The following TMEFF1 variants were observed in gnomAD, a reference collection of about 807,000 sequenced individuals.
The protein encoded by TMEFF1 is transmembrane protein with EGF like and two follistatin like domains 1.
Under a neutral mutation model 47.5 loss-of-function variants are expected in TMEFF1, and 20 were observed. The observed-to-expected ratio is 0.42, with a 90% confidence interval of 0.30 to 0.61. The LOEUF is 0.61. TMEFF1 is among the 20% of genes least tolerant of loss of function. The pLI, the probability that TMEFF1 is intolerant of heterozygous loss-of-function variation, is 0.19. For synonymous variants in TMEFF1, 162 were observed against 166.3 expected, an observed-to-expected ratio of 0.97 and a Z score of 0.20; for missense variants, 411 against 471.1, an observed-to-expected ratio of 0.87 and a Z score of 1.18.
intron 2 of TMEFF1, among the ~76,000 whole-genome samples, chr9:100,505,219 C>G (rs935937452): frequency 2.0e-5 from 3 of 151,564 alleles, no homozygotes; most frequent in Non-Finnish European, 2.9e-5. Context: ...CAAGACCATC[C>G]TGGCCAACAT....
intron 1 of TMEFF1, among the ~76,000 whole-genome samples, chr9:100,490,332 T>G (rs1442895867): frequency 2.0e-5 from 3 of 152,182 alleles, no homozygotes; most frequent in Admixed American, 6.5e-5. Flanking sequence ...GTAAACAAGT[T>G]GAAGAGGATT....
intron 7 of TMEFF1, among the ~76,000 whole-genome samples, chr9:100,560,694 T>C (rs1838999507): frequency 6.6e-6 from 1 of 152,178 alleles, no homozygotes; most frequent in African/African-American, 2.4e-5. Context: ...TCAGTTCAAA[T>C]CATTATACTT....
At chr9:100,510,460 G>A (rs1012929154) in intron 3 of TMEFF1, among the ~76,000 whole-genome samples, 5 of 152,162 alleles carry the variant, frequency 3.3e-5, no homozygotes, top group Middle Eastern at 3.4e-3. Context: ...GCTTGCCTGA[G>A]CATCAGTGTT....
rs190520152 is a variant in TMEFF1 at position 100,544,152 on chromosome 9, T to C, written c.561-3592T>C. On this transcript the variant is annotated intron_variant, in intron 5 of 9. Transcript: ENST00000374879. ...CTCCCTACCTTAGGTGGGTCAGTGT[T>C]CTTTGTCTCATGTTCCCAGAGGCCA... is the stretch of plus-strand genomic sequence containing the variant. Among the ~76,000 whole-genome samples, 922 of 152,124 alleles carry C rather than the reference T, an allele frequency of 6.1e-3. 5 individuals are homozygous for C. The highest frequency in any genetic ancestry group is 0.021 in the African/African-American group (861 of 41,492).
At chr9:100,525,188 C>A (rs982663138) in intron 5 of TMEFF1, among the ~76,000 whole-genome samples, 2 of 152,176 alleles carry the variant, frequency 1.3e-5, no homozygotes. Context: ...TTTTCCAACT[C>A]TCTGACACTA....
intron 1 of TMEFF1, among the ~76,000 whole-genome samples, chr9:100,497,320 CTTTTTTTT>C (rs752427622): frequency 3.4e-5 from 2 of 59,526 alleles, no homozygotes; most frequent in Non-Finnish European, 3.1e-5. Flanking sequence ...CCACTCATGT[CTTTTTTTT>C]TTTTTTTTTT....
chr9:100,506,411 TATC>T (rs1386235249), intron 2 of TMEFF1, among the ~76,000 whole-genome samples: 2 of 152,136 alleles, frequency 1.3e-5, no homozygotes, highest in Non-Finnish European at 2.9e-5. Flanking sequence ...TATTTTATAT[TATC>T]ATATTATTTA....
Position 100,516,785 on chromosome 9 carries a change from G to A in TMEFF1, c.560+14G>A, listed in dbSNP as rs1467758679. 6.2e-7 allele frequency: 1 copy of A among 1,611,652 alleles called. No homozygotes were observed. The highest frequency in any genetic ancestry group is 8.5e-7 in the Non-Finnish European group (1 of 1,179,248). ...AGAAAATGTTGGGTGAGTTGGTTGA[G>A]GGGAAGGGACAAAGTTATTTAGAGA... is the stretch of plus-strand genomic sequence containing the variant. On this transcript the variant is annotated intron_variant, in intron 5 of 9. Coordinates refer to ENST00000374879, the MANE Select transcript of TMEFF1 (RefSeq NM_003692.5).
chr9:100,479,946 G>C (rs554794694), intron 1 of TMEFF1, among the ~76,000 whole-genome samples: 1 of 152,106 alleles, frequency 6.6e-6, no homozygotes, highest in Non-Finnish European at 1.5e-5. Context: ...ATTACCAAAC[G>C]GTTTTCCAAA....
intron 5 of TMEFF1, among the ~76,000 whole-genome samples, chr9:100,533,146 A>C (rs1425214041): frequency 3.3e-5 from 5 of 150,698 alleles, no homozygotes; most frequent in South Asian, 4.3e-4. Flanking sequence ...CTAGATGACG[A>C]TTTAGTGGGT....
At chr9:100,544,233 G>C (rs1229702705) in intron 5 of TMEFF1, among the ~76,000 whole-genome samples, 1 of 151,994 alleles carries the variant, frequency 6.6e-6, no homozygotes, top group Admixed American at 6.6e-5. Context: ...GTGTTAGTCT[G>C]TTTTCACACT....
At chr9:100,481,768 A>G (rs1020427795) in intron 1 of TMEFF1, among the ~76,000 whole-genome samples, 1 of 151,850 alleles carries the variant, frequency 6.6e-6, no homozygotes, top group Non-Finnish European at 1.5e-5. Context: ...TTATTTATTT[A>G]TTTATTTTTA....
intron 1 of TMEFF1, among the ~76,000 whole-genome samples, chr9:100,493,084 C>G (rs1837585325): frequency 6.6e-6 from 1 of 151,570 alleles, no homozygotes. Context: ...TCCCCCCTCT[C>G]CCCCCCACAG....
At chr9:100,483,339 A>T (rs1193006675) in intron 1 of TMEFF1, among the ~76,000 whole-genome samples, 2 of 152,128 alleles carry the variant, frequency 1.3e-5, no homozygotes, top group South Asian at 2.1e-4. Context: ...TCTATTAAAA[A>T]TACAAAAATT....
intron 8 of TMEFF1, among the ~76,000 whole-genome samples, chr9:100,568,206 A>G (rs1394778687): frequency 6.6e-6 from 1 of 152,146 alleles, no homozygotes; most frequent in Admixed American, 6.6e-5. Context: ...TATATGGCCT[A>G]TTGGTTCTTT....
At chr9:100,545,819 C>G (rs1179388978) in intron 5 of TMEFF1, among the ~76,000 whole-genome samples, 1 of 152,198 alleles carries the variant, frequency 6.6e-6, no homozygotes, top group Non-Finnish European at 1.5e-5. Flanking sequence ...TCATCTCTCT[C>G]AAGTTCAAAG....
chr9:100,576,918 C>T lies in TMEFF1; in HGVS notation c.*318C>T. 5.3e-6 allele frequency: 1 copy of T among 189,032 alleles called. No individual in the cohort carries two copies. The highest frequency in any genetic ancestry group is 1.1e-5 in the Non-Finnish European group (1 of 91,700). 11.7% of individuals were successfully genotyped at this position (189,032 alleles called of 1,614,324 possible). On this transcript the variant is annotated 3_prime_UTR_variant, in exon 10 of 10. Coordinates refer to ENST00000374879, the MANE Select transcript of TMEFF1 (RefSeq NM_003692.5). The stretch of plus-strand genomic sequence containing the variant: ...GTTATAAAGTCATATCCACTTCTTC[C>T]ACAATGACCACAGCAAATGACCAAG...
chr9:100,535,197 CT>C (rs1185463180), intron 5 of TMEFF1, among the ~76,000 whole-genome samples: 1 of 152,036 alleles, frequency 6.6e-6, no homozygotes, highest in Non-Finnish European at 1.5e-5. Flanking sequence ...TTGAGCTGTA[CT>C]TTTTTCCCCC....
chr9:100,572,037 C>G (rs1276637198), intron 8 of TMEFF1, among the ~76,000 whole-genome samples: 1 of 152,092 alleles, frequency 6.6e-6, no homozygotes, highest in Non-Finnish European at 1.5e-5. Context: ...CACCACTCAC[C>G]TCCTGCTGTG....
Sources: gnomAD v4.1 joint callset for allele counts (sites outside exome capture counted in the v4.1 genomes callset) on GRCh38, gnomAD v4.1.1 for gene constraint, MANE v1.5 for transcripts, NCBI Gene and HGNC (gene_info 2026-07-23, HGNC 2026-07-21) for gene names.